The following ADAMTSL1 variants were observed in gnomAD, a reference collection of about 807,000 sequenced individuals.
ADAMTSL1 encodes the protein ADAMTS like 1, also known as ADAMTS-like protein 1.
A neutral mutation model predicts 201.8 loss-of-function variants in ADAMTSL1; 126 were observed. The ratio of observed to expected loss-of-function variants is 0.62; its 90% CI spans 0.54 to 0.72. The LOEUF is 0.72. ADAMTSL1 is among the 30% of genes least tolerant of loss of function. The pLI is 0.00. For missense variants in ADAMTSL1, 2,679 were observed against 2,277.8 expected, an observed-to-expected ratio of 1.18 and a Z score of -3.59; for synonymous variants, 1,121 against 903.4, an observed-to-expected ratio of 1.24 and a Z score of -4.32.
intron 1 of ADAMTSL1, among the ~76,000 whole-genome samples, chr9:18,128,467 A>G (rs1012477301): frequency 1.3e-5 from 2 of 152,006 alleles, no homozygotes; most frequent in Non-Finnish European, 2.9e-5. Context: ...GGCTCAAGTG[A>G]TTCTCCCACC....
chr9:18,354,487 A>G (rs1836121234), intron 2 of ADAMTSL1, among the ~76,000 whole-genome samples: 1 of 152,150 alleles, frequency 6.6e-6, no homozygotes, highest in African/African-American at 2.4e-5. Context: ...TGAATTGAGA[A>G]TCCATTTCTC....
At chr9:18,335,154 T>C (rs1222428016) in intron 2 of ADAMTSL1, among the ~76,000 whole-genome samples, 2 of 152,194 alleles carry the variant, frequency 1.3e-5, no homozygotes, top group Admixed American at 1.3e-4. Flanking sequence ...TATGTCCTTC[T>C]TTCCAAGGGG....
intron 2 of ADAMTSL1, among the ~76,000 whole-genome samples, chr9:18,443,791 G>A (rs552912128): frequency 1.3e-5 from 2 of 152,124 alleles, no homozygotes; most frequent in Non-Finnish European, 2.9e-5. Flanking sequence ...CTGTTAAAAC[G>A]ATCTTAGAAA....
At chr9:18,415,300 A>G (rs1818625742) in intron 2 of ADAMTSL1, among the ~76,000 whole-genome samples, 1 of 152,220 alleles carries the variant, frequency 6.6e-6, no homozygotes, top group South Asian at 2.1e-4. Flanking sequence ...AAAACAGTTT[A>G]TATGATTGTG....
chr9:18,565,193 A>G (rs1288648130), intron 3 of ADAMTSL1, among the ~76,000 whole-genome samples: 1 of 152,226 alleles, frequency 6.6e-6, no homozygotes, highest in Non-Finnish European at 1.5e-5. Context: ...CTGAATGAAG[A>G]CATTGGAACA....
At chr9:18,805,819 A>G (rs550479450) in intron 20 of ADAMTSL1, among the ~76,000 whole-genome samples, 2 of 152,292 alleles carry the variant, frequency 1.3e-5, no homozygotes, top group East Asian at 3.9e-4. Flanking sequence ...TCAGGATCTC[A>G]AACCTGTTTG....
chr9:18,412,793 T>C (rs1309014901), intron 2 of ADAMTSL1, among the ~76,000 whole-genome samples: 1 of 152,238 alleles, frequency 6.6e-6, no homozygotes, highest in Non-Finnish European at 1.5e-5. Flanking sequence ...CTCTGCTTTC[T>C]GGAACAACAA....
chr9:18,415,371 T>A (rs558055030), intron 2 of ADAMTSL1, among the ~76,000 whole-genome samples: 1 of 152,034 alleles, frequency 6.6e-6, no homozygotes, highest in African/African-American at 2.4e-5. Context: ...AAACAACAAA[T>A]CAAACTTCTA....
chr9:18,110,878 A>G (rs1824977828), intron 1 of ADAMTSL1, among the ~76,000 whole-genome samples: 1 of 152,182 alleles, frequency 6.6e-6, no homozygotes, highest in Non-Finnish European at 1.5e-5. Flanking sequence ...CCCCTCCCAT[A>G]ATATGTATCA....
rs569545737 is a variant in ADAMTSL1, at chr9:18,635,652, C to G, written c.602-291C>G. ...CCCAAGTGTTTTTGATCATATAAGA[C>G]CAGATTTTAAAATCGAAAATGAAAA... On this transcript the variant is annotated intron_variant, in intron 5 of 28. Coordinates refer to ENST00000380548, the MANE Select transcript of ADAMTSL1 (RefSeq NM_001040272.6). Among the ~76,000 whole-genome samples the G allele has an allele frequency of 9.9e-5, 15 of 152,158 alleles. No individual in the cohort carries two copies. The South Asian group carries it at 2.9e-3, about 30-fold the overall frequency.
intron 26 of ADAMTSL1, among the ~76,000 whole-genome samples, chr9:18,904,223 C>A (rs565814686): frequency 6.6e-6 from 1 of 152,274 alleles, no homozygotes; most frequent in Admixed American, 6.5e-5. Flanking sequence ...ACTCCCAGCA[C>A]TTTGGGAGGC....
intron 2 of ADAMTSL1, among the ~76,000 whole-genome samples, chr9:18,301,981 T>C (rs1165778268): frequency 6.6e-6 from 1 of 152,312 alleles, no homozygotes; most frequent in African/African-American, 2.4e-5. Flanking sequence ...CACATGATCA[T>C]AGAGGCCTCA....
In ADAMTSL1 at chr9:18,533,367, G is replaced by C. The variant is rs775362469; in HGVS notation, c.237+75G>C. On this transcript the variant is annotated intron_variant, in intron 3 of 28. Transcript: ENST00000380548. Reference sequence around the variant, plus strand: ...ATGGTGCTAAGCAGTTTTATATCCTGAGCAGGAAATCAACCAACTAGTATT... The same window carrying C: ...ATGGTGCTAAGCAGTTTTATATCCTCAGCAGGAAATCAACCAACTAGTATT... 1.6e-4 allele frequency: 215 copies of C among 1,313,340 alleles called. 1 individual carries two copies. Among genetic ancestry groups the C allele is most frequent in the Middle Eastern group, 1.1e-3 (6 of 5,246 alleles). 81.4% of individuals were successfully genotyped at this position (1,313,340 alleles called of 1,614,324 possible). A position where few individuals can be genotyped will look rare whatever the true frequency, so the allele number is the denominator to read the frequency against.
intron 13 of ADAMTSL1, among the ~76,000 whole-genome samples, chr9:18,704,547 T>C (rs1423981153): frequency 1.3e-5 from 2 of 152,232 alleles, no homozygotes; most frequent in Non-Finnish European, 2.9e-5. Flanking sequence ...ACATACAAAA[T>C]AGTTGAGCAT....
intron 2 of ADAMTSL1, among the ~76,000 whole-genome samples, chr9:18,438,335 T>C (rs1819842028): frequency 6.6e-6 from 1 of 152,140 alleles, no homozygotes; most frequent in Non-Finnish European, 1.5e-5. Flanking sequence ...AGCTCCTCTC[T>C]GGAAAACACA....
chr9:17,978,262 G>T (rs533771991), intron 1 of ADAMTSL1, among the ~76,000 whole-genome samples: 17 of 152,038 alleles, frequency 1.1e-4, no homozygotes, highest in Admixed American at 2.0e-4. Flanking sequence ...ATGTCTTTTG[G>T]TTGGAAAATT....
At chr9:18,473,809 T>C (rs950223244), upstream of ADAMTSL1, 34 of 196,740 alleles carry the variant, frequency 1.7e-4, no homozygotes, top group African/African-American at 7.2e-4. Flanking sequence ...AAATGGCAAA[T>C]AGAAATGCAT....
intron 1 of ADAMTSL1, among the ~76,000 whole-genome samples, chr9:18,106,197 G>T (rs1052103462): frequency 6.6e-6 from 1 of 152,188 alleles, no homozygotes; most frequent in African/African-American, 2.4e-5. Flanking sequence ...CCCCTAACTT[G>T]CATCTTGTTC....
At chr9:18,188,884 C>G (rs545341363) in intron 2 of ADAMTSL1, among the ~76,000 whole-genome samples, 2 of 152,256 alleles carry the variant, frequency 1.3e-5, no homozygotes, top group South Asian at 4.1e-4. Flanking sequence ...GTTTTTCATT[C>G]GCTACAAGAG....
Sources: gnomAD v4.1 joint callset for allele counts (sites outside exome capture counted in the v4.1 genomes callset) on GRCh38, gnomAD v4.1.1 for gene constraint, MANE v1.5 for transcripts, NCBI Gene and HGNC (gene_info 2026-07-23, HGNC 2026-07-21) for gene names.